The following ERAP1 variants were observed in gnomAD, a reference collection of about 807,000 sequenced individuals.
The protein encoded by ERAP1 is endoplasmic reticulum aminopeptidase 1, also known as adipocyte-derived leucine aminopeptidase.
Under a neutral mutation model 103.7 loss-of-function variants are expected in ERAP1, and 86 were observed. The observed-to-expected ratio is 0.83, with a 90% CI of 0.70 to 0.99. The LOEUF is 0.99. Ranked by LOEUF, ERAP1 falls within the 50% of genes least tolerant of loss-of-function variation. ERAP1 has a pLI of 0.00. For synonymous variants in ERAP1, 398 were observed against 402.4 expected, an observed-to-expected ratio of 0.99 and a Z score of 0.13; for missense variants, 1,009 against 1,128.4, an observed-to-expected ratio of 0.89 and a Z score of 1.52.
chr5:96,892,848 T>C, the ERAP1 span, among the ~76,000 whole-genome samples: 1 of 152,286 alleles, frequency 6.6e-6, no homozygotes, highest in East Asian at 1.9e-4. Flanking sequence ...AAATCACTCT[T>C]CCTTCAGTTG....
upstream of ERAP1, among the ~76,000 whole-genome samples, chr5:96,808,589 G>A (rs138147188): frequency 5.8e-3 from 888 of 152,202 alleles, 7 homozygotes; most frequent in Non-Finnish European, 0.011. Context: ...TGGGTTAGAG[G>A]TGGCCCCCAG....
At chr5:96,840,668 C>G in the ERAP1 span, among the ~76,000 whole-genome samples, 12 of 152,044 alleles carry the variant, frequency 7.9e-5, no homozygotes, top group Admixed American at 2.0e-4. Context: ...AAGCAGATCT[C>G]TGTCTGATGG....
Position 96,803,515 on chromosome 5 carries a change from G to A in ERAP1, c.412C>T (p.Pro138Ser), listed in dbSNP as rs1778217560. Residue 138 changes from proline to serine, a missense_variant, in exon 2 of 19, where the codon CCC (proline) becomes TCC (serine). Physicochemically the swap from Pro to Ser is moderately conservative, Grantham distance 74. Transcript: ENST00000443439. Reference protein sequence around the residue: ...QEQIALLAPEPLLVGLPYTVV... With the variant: ...QEQIALLAPESLLVGLPYTVV... ...GTGTACGGGAGCCCGACAAGGAGGG[G>A]CTCGGGAGCCAGCAGTGCAATTTGC... The A allele has an allele frequency of 6.2e-7, 1 of 1,613,432 alleles. No homozygotes were observed. The highest frequency in any genetic ancestry group is 8.5e-7 in the Non-Finnish European group (1 of 1,179,454).
chr5:96,906,790 G>C, the ERAP1 span, among the ~76,000 whole-genome samples: 631 of 152,310 alleles, frequency 4.1e-3, 2 homozygotes, highest in Non-Finnish European at 5.5e-3. Flanking sequence ...CCAGTACTTC[G>C]TGAGGCCAAG....
Position 96,775,046 on chromosome 5 carries a change from G to GAATC in ERAP1, c.*1346_*1349dup, listed in dbSNP as rs35316964. 114,976 of 985,440 alleles carry GAATC rather than the reference G, an allele frequency of 0.12. 7,115 individuals are homozygous for GAATC. Among genetic ancestry groups the GAATC allele is most frequent in the Middle Eastern group, 0.13 (248 of 1,914 alleles). The allele number at this position is 985,440 out of a possible 1,614,324, so 61.0% of individuals were successfully genotyped here. A position where few individuals can be genotyped will look rare whatever the true frequency, so the allele number is the denominator to read the frequency against. ...GTCAGCGCAAAACACGCTGCAACTT[G>GAATC]AATCAAGTCAGCAACAGAGCACACT... is the stretch of plus-strand genomic sequence containing the variant. On this transcript the variant is annotated 3_prime_UTR_variant, in exon 19 of 19. Coordinates refer to ENST00000443439, the MANE Select transcript of ERAP1 (RefSeq NM_001040458.3).
At chr5:96,915,823 T>A in the ERAP1 span, 1 of 1,426,784 alleles carries the variant, frequency 7.0e-7, no homozygotes, top group Non-Finnish European at 9.7e-7. Context: ...AATTGTGGAA[T>A]TGAAAGTAAA....
upstream of ERAP1, among the ~76,000 whole-genome samples, chr5:96,809,147 ACT>A (rs1360038435): frequency 6.6e-6 from 1 of 152,138 alleles, no homozygotes; most frequent in Non-Finnish European, 1.5e-5. Context: ...ACCAGAGGAC[ACT>A]CTCATTGCCA....
chr5:96,774,031 G>A (rs1773391412), downstream of ERAP1: 1 of 152,302 alleles, frequency 6.6e-6, no homozygotes, highest in African/African-American at 2.4e-5. Flanking sequence ...AAAATGCTAT[G>A]TCTCTATCCA....
At chr5:96,925,761 T>C in the ERAP1 span, among the ~76,000 whole-genome samples, 1 of 152,198 alleles carries the variant, frequency 6.6e-6, no homozygotes, top group Non-Finnish European at 1.5e-5. Context: ...GATATATCTA[T>C]ACCTGTAGAA....
At chr5:96,780,555 CAT>C (rs757385316) in intron 17 of ERAP1, 51 bp from the exon 18 acceptor site, 7 of 1,432,986 alleles carry the variant, frequency 4.9e-6, no homozygotes, top group South Asian at 1.1e-5. Flanking sequence ...ATTCATTTAA[CAT>C]ATATTTTAAG....
the ERAP1 span, among the ~76,000 whole-genome samples, chr5:96,887,225 A>G: frequency 2.0e-5 from 3 of 151,824 alleles, 1 homozygote; most frequent in East Asian, 5.8e-4. Flanking sequence ...AATTTTAAAT[A>G]ATATTAATAA....
the ERAP1 span, chr5:96,935,289 G>C: frequency 2.0e-5 from 3 of 152,448 alleles, no homozygotes; most frequent in East Asian, 5.8e-4. Flanking sequence ...CCTAGAGGCC[G>C]CAAGGCAGCC....
In ERAP1 at chr5:96,774,886, T is replaced by TATTA. The variant is rs1773801767; in HGVS notation, c.*1506_*1509dup. The TATTA allele has an allele frequency of 2.0e-6, 2 of 985,022 alleles. No individual in the cohort carries two copies. Among genetic ancestry groups the TATTA allele is most frequent in the African/African-American group, 1.7e-5 (1 of 57,198 alleles). The allele number at this position is 985,022 out of a possible 1,614,324, so 61.0% of individuals were successfully genotyped here. ...CCAGAAGTCACTCTATTTTGTCGTG[T>TATTA]ATTAGGGGAACACATTTTGACATTT... On this transcript the variant is annotated 3_prime_UTR_variant, in exon 19 of 19. Coordinates refer to ENST00000443439, the MANE Select transcript of ERAP1 (RefSeq NM_001040458.3).
the ERAP1 span, chr5:96,892,472 A>T: frequency 6.2e-7 from 1 of 1,613,202 alleles, no homozygotes; most frequent in Non-Finnish European, 8.5e-7. Flanking sequence ...CACTCATGAC[A>T]TTATCTCGAT....
chr5:96,873,678 G>A, the ERAP1 span: 2 of 315,504 alleles, frequency 6.3e-6, no homozygotes, highest in Non-Finnish European at 1.3e-5. Context: ...GCAATCTAAG[G>A]AAAAACAAAA....
the ERAP1 span, among the ~76,000 whole-genome samples, chr5:96,837,706 G>A: frequency 6.6e-6 from 1 of 152,212 alleles, no homozygotes; most frequent in African/African-American, 2.4e-5. Context: ...ACAGCTCAGT[G>A]GAGGGTCAGT....
chr5:96,877,803 A>G, the ERAP1 span, among the ~76,000 whole-genome samples: 4 of 152,230 alleles, frequency 2.6e-5, no homozygotes, highest in Non-Finnish European at 5.9e-5. Context: ...TTCTTGGAAC[A>G]CTGAGATTTG....
the ERAP1 span, chr5:96,881,219 C>A: frequency 2.8e-6 from 1 of 353,656 alleles, no homozygotes; most frequent in Non-Finnish European, 5.6e-6. Flanking sequence ...AAGATCAAGT[C>A]TATGTTGAGG....
the ERAP1 span, among the ~76,000 whole-genome samples, chr5:96,864,476 T>G: frequency 6.6e-6 from 1 of 152,230 alleles, no homozygotes; most frequent in African/African-American, 2.4e-5. Flanking sequence ...GTGAAAAGTC[T>G]CAGGTTTACT....
Sources: gnomAD v4.1 joint callset for allele counts (sites outside exome capture counted in the v4.1 genomes callset) on GRCh38, gnomAD v4.1.1 for gene constraint, MANE v1.5 for transcripts, NCBI Gene and HGNC (gene_info 2026-07-23, HGNC 2026-07-21) for gene names.